The following DYSF variants were observed in gnomAD, a reference collection of about 807,000 sequenced individuals.
DYSF encodes the protein dysferlin.
DYSF carries 212 observed loss-of-function variants against 274.9 expected under a neutral mutation model. That is an observed-to-expected ratio of 0.77 (90% CI 0.69 to 0.86). The LOEUF (loss-of-function observed/expected upper bound fraction) is 0.86, where lower values mean the gene tolerates loss of function less well. Ranked by LOEUF, DYSF falls within the 40% of genes least tolerant of loss-of-function variation. The probability of loss-of-function intolerance (pLI) is 0.00; values close to 1 mark genes in which losing one functional copy is unlikely to be tolerated. For synonymous variants in DYSF, 1,091 were observed against 1,078.7 expected, an observed-to-expected ratio of 1.01 and a Z score of -0.22; for missense variants, 2,666 against 2,783.2, an observed-to-expected ratio of 0.96 and a Z score of 0.95.
At chr2:71,507,383 G>T (rs2085595976) in intron 4 of DYSF, among the ~76,000 whole-genome samples, 1 of 152,212 alleles carries the variant, frequency 6.6e-6, no homozygotes, top group Non-Finnish European at 1.5e-5. Flanking sequence ...ACTGCAATCT[G>T]CAAAATGTCT....
exon 1 of DYSF, chr2:71,453,834 T>C: frequency 1.4e-6 from 1 of 728,500 alleles, no homozygotes; most frequent in Non-Finnish European, 2.4e-6. Flanking sequence ...GGGTGGCCCG[T>C]TCCCCTTTAA....
intron 41 of DYSF, among the ~76,000 whole-genome samples, chr2:71,636,039 C>G (rs1273097012): frequency 6.6e-6 from 1 of 151,956 alleles, no homozygotes; most frequent in Non-Finnish European, 1.5e-5. Flanking sequence ...GAATAGTGTT[C>G]CTGCCAGGGG....
At chr2:71,587,157 G>T (rs749098492) in intron 30 of DYSF, among the ~76,000 whole-genome samples, 59 of 152,218 alleles carry the variant, frequency 3.9e-4, no homozygotes, top group Non-Finnish European at 4.7e-4. Flanking sequence ...GCAGCCAGGG[G>T]GGTGTTCTGT....
intron 4 of DYSF, among the ~76,000 whole-genome samples, chr2:71,504,039 C>T (rs2085240240): frequency 1.3e-5 from 2 of 152,220 alleles, no homozygotes; most frequent in Non-Finnish European, 2.9e-5. Flanking sequence ...TTGTCTCAGA[C>T]AGGGCAGTGG....
chr2:71,584,191 TG>T (rs2092989840), intron 30 of DYSF, among the ~76,000 whole-genome samples: 1 of 92,288 alleles, frequency 1.1e-5, no homozygotes, highest in Admixed American at 1.3e-4. Context: ...TGTGTGTGAA[TG>T]GGGGTGAAGG....
intron 42 of DYSF, among the ~76,000 whole-genome samples, chr2:71,648,558 A>G (rs1207193769): frequency 6.6e-6 from 1 of 152,220 alleles, no homozygotes; most frequent in Non-Finnish European, 1.5e-5. Flanking sequence ...AATTACAGAA[A>G]AAACCATAAT....
intron 32 of DYSF, 43 bp from the exon 33 acceptor site, chr2:71,598,521 C>T (rs1253936297): frequency 6.2e-7 from 1 of 1,610,848 alleles, no homozygotes; most frequent in Non-Finnish European, 8.5e-7. Context: ...TCTCAGGGTC[C>T]CTGCTGTGTC....
Position 71,667,409 on chromosome 2 carries a change from C to A in DYSF, c.5351C>A (p.Pro1784Gln), listed in dbSNP as rs765448445. ...AGGATCCCAAACCCACACCTGGGCC[C>A]AGTGGAGGAGCGTCTGGCTCTGCAT... ...AGRIPNPHLG[P>Q]VEERLALHVL... Residue 1784 changes from proline to glutamine, a missense_variant, in exon 48 of 56, where the codon CCA becomes CAA. Pro to Gln is a moderately conservative substitution (Grantham distance 76, BLOSUM62 -1). Coordinates refer to ENST00000410020, the MANE Select transcript of DYSF (RefSeq NM_001130987.2). 3 of 1,614,124 alleles carry A rather than the reference C, an allele frequency of 1.9e-6. No homozygotes were observed. In the Admixed American group the frequency reaches 5.0e-5, roughly 27 times the overall value.
intron 41 of DYSF, among the ~76,000 whole-genome samples, chr2:71,626,197 A>G (rs2094203415): frequency 6.6e-6 from 1 of 151,856 alleles, no homozygotes; most frequent in Admixed American, 6.6e-5. Flanking sequence ...TTGGTTATAG[A>G]GAGTATTCTT....
At chr2:71,502,942 G>A (rs1340413608) in intron 3 of DYSF, among the ~76,000 whole-genome samples, 1 of 152,168 alleles carries the variant, frequency 6.6e-6, no homozygotes, top group Non-Finnish European at 1.5e-5. Flanking sequence ...GGCCTCTGGG[G>A]AGGGGCAGGA....
At position 71,523,543 on chromosome 2, in the gene DYSF, CTTTTTTTTTTT is replaced by C. The variant is rs10718722; in HGVS notation, c.1149+2650_1150-2656del. On this transcript the variant is annotated intron_variant, in intron 12 of 55. Coordinates refer to ENST00000410020, the MANE Select transcript of DYSF (RefSeq NM_001130987.2). ...CTATCCCCACCTTATCACCAGTCATCTTTTTTTTTTTTTTTTTTTTTGAGAAAGAATCTTGC... is the reference window on the plus strand; with the variant it reads ...CTATCCCCACCTTATCACCAGTCATCTTTTTTTTTTGAGAAAGAATCTTGC... Among the ~76,000 whole-genome samples, 4 of 96,374 alleles carry C rather than the reference CTTTTTTTTTTT, an allele frequency of 4.2e-5. No homozygotes were observed. In the East Asian group the frequency reaches 7.2e-4, roughly 17 times the overall value. 63.2% of individuals were successfully genotyped at this position (96,374 alleles called of 152,430 possible).
chr2:71,469,677 T>G (rs1195764729), intron 1 of DYSF, among the ~76,000 whole-genome samples: 1 of 152,196 alleles, frequency 6.6e-6, no homozygotes, highest in Non-Finnish European at 1.5e-5. Context: ...CTGAGGGCAA[T>G]TTTTTGGCTT....
At chr2:71,558,821 G>T (rs1351250719) in intron 22 of DYSF, among the ~76,000 whole-genome samples, 2 of 151,006 alleles carry the variant, frequency 1.3e-5, no homozygotes, top group Admixed American at 1.3e-4. Context: ...TGCCTCTCTG[G>T]GGGGGAATTC....
chr2:71,506,661 A>C (rs1457821754), intron 4 of DYSF, among the ~76,000 whole-genome samples: 1 of 152,282 alleles, frequency 6.6e-6, no homozygotes, highest in East Asian at 1.9e-4. Context: ...AGAAGGAGAC[A>C]GGGGTTGAGC....
At chr2:71,536,378 AG>A (rs2089336175) in intron 16 of DYSF, among the ~76,000 whole-genome samples, 1 of 152,248 alleles carries the variant, frequency 6.6e-6, no homozygotes, top group African/African-American at 2.4e-5. Flanking sequence ...AGGAGAGGAA[AG>A]AGAGCCGCCA....
chr2:71,458,455 C>T (rs916741898), intron 1 of DYSF, among the ~76,000 whole-genome samples: 4 of 152,266 alleles, frequency 2.6e-5, no homozygotes, highest in East Asian at 1.9e-4. Flanking sequence ...GTCTGTCTGC[C>T]CCCAGGGACA....
chr2:71,672,483 G>A (rs1156878177), intron 51 of DYSF, among the ~76,000 whole-genome samples: 7 of 152,310 alleles, frequency 4.6e-5, no homozygotes, highest in Non-Finnish European at 7.4e-5. Context: ...CCTTTCATCC[G>A]GCGGCTTTGA....
intron 22 of DYSF, among the ~76,000 whole-genome samples, chr2:71,556,586 G>T (rs575700115): frequency 6.6e-6 from 1 of 152,206 alleles, no homozygotes; most frequent in Non-Finnish European, 1.5e-5. Context: ...TTTGACCCTT[G>T]GTTTTCTCAA....
At chr2:71,675,193 T>C (rs2095199213) in intron 52 of DYSF, among the ~76,000 whole-genome samples, 2 of 152,056 alleles carry the variant, frequency 1.3e-5, no homozygotes, top group South Asian at 4.2e-4. Flanking sequence ...AGGTTTCTTT[T>C]TGCGGTGATG....
Sources: allele counts gnomAD v4.1 joint callset (sites outside exome capture counted in the v4.1 genomes callset), GRCh38; gene constraint gnomAD v4.1.1; transcripts MANE v1.5; gene names NCBI Gene and HGNC (gene_info 2026-07-23, HGNC 2026-07-21).